Variants in HECW1 observed in about 807,000 individuals in gnomAD.
The protein encoded by HECW1 is HECT, C2 and WW domain containing E3 ubiquitin protein ligase 1, also known as E3 ubiquitin-protein ligase HECW1.
HECW1 carries 61 observed loss-of-function variants against 182.3 expected under a neutral mutation model. The observed-to-expected ratio is 0.33, with a 90% CI of 0.27 to 0.41. The LOEUF (loss-of-function observed/expected upper bound fraction) is 0.41, where lower values mean the gene tolerates loss of function less well. Ranked by LOEUF, HECW1 falls within the 10% of genes least tolerant of loss-of-function variation. The pLI is 1.00. For missense variants in HECW1, 1,739 were observed against 2,108.9 expected, an observed-to-expected ratio of 0.82 and a Z score of 3.44; for synonymous variants, 859 against 832.6, an observed-to-expected ratio of 1.03 and a Z score of -0.55.
At position 43,429,289 on chromosome 7, in the gene HECW1, CATATATATATATATATATATATATATAT is replaced by C. The variant is rs57627873; in HGVS notation, c.802-8694_802-8667del. 1.8e-3 allele frequency among the ~76,000 whole-genome samples: 193 copies of C among 106,694 alleles called. 1 individual carries two copies. Among genetic ancestry groups the C allele is most frequent in the African/African-American group, 6.5e-3 (180 of 27,686 alleles). The allele number at this position is 106,694 out of a possible 152,430, so 70.0% of individuals were successfully genotyped here. A position where few individuals can be genotyped will look rare whatever the true frequency, so the allele number is the denominator to read the frequency against. On this transcript the variant is annotated intron_variant, in intron 8 of 29. Transcript: ENST00000395891. ...ATATAAACTTTCCATATATTATATG[CATATATATATATATATATATATATATAT>C]ATATATATATATATATATACATATA...
chr7:43,512,170 GA>G (rs141584255), intron 24 of HECW1: 7,013 of 223,020 alleles, frequency 0.031, 139 homozygotes, highest in South Asian at 0.1. Context: ...CACTCATAAG[GA>G]AACGGAGAAA....
chr7:43,173,690 TTTC>T (rs933219899), intron 2 of HECW1, among the ~76,000 whole-genome samples: 22 of 152,166 alleles, frequency 1.4e-4, no homozygotes, highest in African/African-American at 4.8e-4. Flanking sequence ...GCAGTAATGC[TTTC>T]TCACCTGCAG....
At chr7:43,394,109 G>A (rs2075143056) in intron 6 of HECW1, among the ~76,000 whole-genome samples, 1 of 152,150 alleles carries the variant, frequency 6.6e-6, no homozygotes, top group African/African-American at 2.4e-5. Context: ...GTGAGGAGGG[G>A]TGGTCAGCAT....
At position 43,501,183 on chromosome 7, in the gene HECW1, C is replaced by CTTT. The variant is rs567367189; in HGVS notation, c.3522-12_3522-10dup. On this transcript the variant is annotated intron_variant, in intron 20 of 29. Transcript: ENST00000395891. The stretch of plus-strand genomic sequence containing the variant: ...ATGTAAAACTGACTTTCTTTTCTTT[C>CTTT]TTTTTTTTTTTTTTTTTTTTCATAT... The CTTT allele has an allele frequency of 1.5e-3, 1,106 of 745,520 alleles. 1 individual carries two copies. Among genetic ancestry groups the CTTT allele is most frequent in the South Asian group, 4.6e-3 (261 of 56,852 alleles). The allele number at this position is 745,520 out of a possible 1,614,324, so 46.2% of individuals were successfully genotyped here.
intron 2 of HECW1, among the ~76,000 whole-genome samples, chr7:43,142,257 C>T (rs1053475514): frequency 6.6e-5 from 10 of 152,098 alleles, no homozygotes; most frequent in African/African-American, 2.4e-4. Flanking sequence ...GAATCGGGCC[C>T]CTGGGACTTG....
intron 5 of HECW1, among the ~76,000 whole-genome samples, chr7:43,328,112 G>A (rs2152787746): frequency 6.6e-6 from 1 of 151,918 alleles, no homozygotes; most frequent in South Asian, 2.1e-4. Context: ...GAGCCCAGGA[G>A]CTCAAGACCA....
intron 8 of HECW1, 106 bp downstream of exon 8, chr7:43,407,837 T>C: frequency 1.0e-6 from 1 of 999,638 alleles, no homozygotes; most frequent in South Asian, 1.7e-5. Context: ...ACTCTGCTGC[T>C]CAATCTATGG....
At chr7:43,482,505 T>C (rs2078475644) in intron 17 of HECW1, among the ~76,000 whole-genome samples, 1 of 152,080 alleles carries the variant, frequency 6.6e-6, no homozygotes, top group African/African-American at 2.4e-5. Flanking sequence ...CAAAAATACA[T>C]ACAGAGTTAA....
At chr7:43,304,752 C>T (rs1350023049) in intron 3 of HECW1, among the ~76,000 whole-genome samples, 1 of 152,174 alleles carries the variant, frequency 6.6e-6, no homozygotes, top group African/African-American at 2.4e-5. Flanking sequence ...CCTTGGCCTC[C>T]CAAAGTGTTG....
chr7:43,210,653 G>A (rs779968655), intron 2 of HECW1, among the ~76,000 whole-genome samples: 8 of 152,116 alleles, frequency 5.3e-5, no homozygotes, highest in African/African-American at 9.7e-5. Context: ...CTTGGGTCAC[G>A]GAAGAGAACC....
intron 5 of HECW1, among the ~76,000 whole-genome samples, chr7:43,351,907 AT>A (rs1814524878): frequency 6.6e-6 from 1 of 152,092 alleles, no homozygotes; most frequent in South Asian, 2.1e-4. Flanking sequence ...AGGCTGGTGT[AT>A]TTCTCAACAG....
Position 43,501,236 on chromosome 7 carries a change from C to A in HECW1, c.3545C>A (p.Ser1182Tyr). 2 of 1,443,470 alleles carry A rather than the reference C, an allele frequency of 1.4e-6. No homozygotes were observed. Among genetic ancestry groups the A allele is most frequent in the East Asian group, 2.4e-5 (1 of 41,386 alleles). The allele number at this position is 1,443,470 out of a possible 1,614,324, so 89.4% of individuals were successfully genotyped here. A position where few individuals can be genotyped will look rare whatever the true frequency, so the allele number is the denominator to read the frequency against. The change falls in exon 21 of 30, where the codon TCC (serine) becomes TAC (tyrosine). Residue 1182 changes from serine (S) to tyrosine (Y), a missense_variant. Physicochemically the swap from Ser to Tyr is moderately radical, Grantham distance 144. Transcript: ENST00000395891. ...LLSLFEEEIMSYVPLQAAFHP... is the reference protein window; with the variant it reads ...LLSLFEEEIMYYVPLQAAFHP... The stretch of plus-strand genomic sequence containing the variant: ...AGTCTCTTTGAAGAAGAGATTATGT[C>A]CTACGTCCCCCTGCAGGCTGCCTTC...
At chr7:43,163,552 T>C (rs551699390) in intron 2 of HECW1, among the ~76,000 whole-genome samples, 1 of 152,184 alleles carries the variant, frequency 6.6e-6, no homozygotes, top group Non-Finnish European at 1.5e-5. Context: ...GCAGACCATA[T>C]GCCAGTTATC....
At chr7:43,518,733 A>T (rs1041917899) in intron 24 of HECW1, among the ~76,000 whole-genome samples, 1 of 152,224 alleles carries the variant, frequency 6.6e-6, no homozygotes, top group African/African-American at 2.4e-5. Flanking sequence ...AGAAGAACAA[A>T]TTCAAATGAT....
intron 24 of HECW1, among the ~76,000 whole-genome samples, chr7:43,520,685 C>T (rs2080427530): frequency 6.6e-6 from 1 of 152,014 alleles, no homozygotes; most frequent in African/African-American, 2.4e-5. Context: ...TTTCCAAACC[C>T]TTTTAGCTGG....
intron 2 of HECW1, among the ~76,000 whole-genome samples, chr7:43,140,997 C>T (rs1278971693): frequency 1.3e-5 from 2 of 152,176 alleles, no homozygotes; most frequent in African/African-American, 4.8e-5. Context: ...CTCATTTAAT[C>T]ATAATTACTT....
chr7:43,508,208 A>C, intron 23 of HECW1, 77 bp downstream of exon 23: 51 of 868,302 alleles, frequency 5.9e-5, no homozygotes, highest in Non-Finnish European at 8.6e-5. Flanking sequence ...GATTTTTCTC[A>C]AGAAGGAGCA....
intron 16 of HECW1, among the ~76,000 whole-genome samples, chr7:43,479,404 G>A (rs750834342): frequency 2.6e-5 from 4 of 152,128 alleles, no homozygotes; most frequent in Non-Finnish European, 5.9e-5. Context: ...TCACTCGCCC[G>A]TGGCTCACCT....
intron 3 of HECW1, among the ~76,000 whole-genome samples, chr7:43,302,328 C>T (rs1373744455): frequency 6.6e-6 from 1 of 152,232 alleles, no homozygotes; most frequent in South Asian, 2.1e-4. Flanking sequence ...TCCCCTGCTG[C>T]GTGGTCAGGG....
Sources: allele counts gnomAD v4.1 joint callset (sites outside exome capture counted in the v4.1 genomes callset), GRCh38; gene constraint gnomAD v4.1.1; transcripts MANE v1.5; gene names NCBI Gene and HGNC (gene_info 2026-07-23, HGNC 2026-07-21).